Variants in USO1 observed in about 807,000 individuals in gnomAD.
USO1 encodes USO1 vesicle transport factor.
Under a neutral mutation model 124.5 loss-of-function variants are expected in USO1, and 57 were observed. The observed-to-expected ratio is 0.46, with a 90% confidence interval of 0.37 to 0.57. The LOEUF (loss-of-function observed/expected upper bound fraction) is 0.57. Ranked by LOEUF, USO1 falls within the 20% of genes least tolerant of loss-of-function variation. The pLI is 0.00. For missense variants in USO1, 900 were observed against 1,040.6 expected, an observed-to-expected ratio of 0.86 and a Z score of 1.86; for synonymous variants, 369 against 362.8, an observed-to-expected ratio of 1.02 and a Z score of -0.19.
intron 20 of USO1, among the ~76,000 whole-genome samples, chr4:75,808,642 C>G (rs1184859607): frequency 6.6e-6 from 1 of 151,912 alleles, no homozygotes; most frequent in Admixed American, 6.6e-5. Flanking sequence ...TTATATTGCT[C>G]TCTTCTCTTA....
At chr4:75,791,173 CTT>C (rs1232585520) in intron 12 of USO1, among the ~76,000 whole-genome samples, 1 of 152,210 alleles carries the variant, frequency 6.6e-6, no homozygotes, top group East Asian at 1.9e-4. Flanking sequence ...CACGCCAAAA[CTT>C]AGCATGTATA....
chr4:75,790,316 T>G, intron 11 of USO1, 78 bp downstream of exon 11: 1 of 1,479,150 alleles, frequency 6.8e-7, no homozygotes. Flanking sequence ...ATACACATCT[T>G]ACTCTTTTTA....
chr4:75,771,258 T>TA lies in USO1; in HGVS notation c.555+128dup, dbSNP rs201334938. ...GAAAGCTGGAGTAATGACCTTTTTT[T>TA]AAAAAAATTAAAAATTAGTAAACAG... On this transcript the variant is annotated intron_variant, in intron 7 of 23. Transcript: ENST00000514213. 9.2e-4 allele frequency: 1,045 copies of TA among 1,138,056 alleles called. 9 individuals carry two copies. The African/African-American group carries it at 0.015, about 17-fold the overall frequency. 70.5% of individuals were successfully genotyped at this position (1,138,056 alleles called of 1,614,324 possible).
intron 1 of USO1, among the ~76,000 whole-genome samples, chr4:75,732,176 T>C (rs896858870): frequency 6.6e-6 from 1 of 151,968 alleles, no homozygotes; most frequent in Non-Finnish European, 1.5e-5. Flanking sequence ...CCCCCCGTTG[T>C]TGTCCCCAGT....
At chr4:75,726,971 G>A (rs909965187) in intron 1 of USO1, among the ~76,000 whole-genome samples, 1 of 152,210 alleles carries the variant, frequency 6.6e-6, no homozygotes, top group Admixed American at 6.6e-5. Context: ...GAAAATGCCT[G>A]CTTTTTAGGA....
intron 3 of USO1, chr4:75,755,606 C>T: frequency 2.2e-6 from 1 of 448,602 alleles, no homozygotes; most frequent in Non-Finnish European, 4.4e-6. Context: ...TTCTTCTCCC[C>T]AGACAGTGTA....
chr4:75,764,611 T>C (rs1446118427), intron 4 of USO1, among the ~76,000 whole-genome samples: 1 of 152,202 alleles, frequency 6.6e-6, no homozygotes, highest in Non-Finnish European at 1.5e-5. Context: ...ATCAAGTCTA[T>C]ATGTGGTTTT....
At position 75,810,683 on chromosome 4, in the gene USO1, A is replaced by G. The variant is rs1723122366; in HGVS notation, c.2583+144A>G. ...TCACAACATTTTCACTCCTATATTGATGATTTAAGATGGCACAAATGAAAA... is the reference window on the plus strand; with the variant it reads ...TCACAACATTTTCACTCCTATATTGGTGATTTAAGATGGCACAAATGAAAA... On this transcript the variant is annotated intron_variant, in intron 22 of 23. Transcript: ENST00000514213. 3 of 1,054,114 alleles carry G rather than the reference A, an allele frequency of 2.8e-6. No individual in the cohort carries two copies. In the South Asian group the frequency reaches 6.3e-5, roughly 22 times the overall value. The allele number at this position is 1,054,114 out of a possible 1,614,324, so 65.3% of individuals were successfully genotyped here.
In USO1 at chr4:75,769,740, C is replaced by CTT. The variant is rs34266261; in HGVS notation, c.296-684_296-683dup. ...AGTTGTTGCTTTCATTTTTAGTGAT[C>CTT]TTTTTTTTTTTTTTTTACATAGTAC... On this transcript the variant is annotated intron_variant, in intron 4 of 23. Transcript: ENST00000514213. Among the ~76,000 whole-genome samples the CTT allele has an allele frequency of 7.2e-3, 1,006 of 139,968 alleles. 5 individuals are homozygous for CTT. The highest frequency in any genetic ancestry group is 9.8e-3 in the East Asian group (48 of 4,922). 91.8% of individuals were successfully genotyped at this position (139,968 alleles called of 152,430 possible). A position where few individuals can be genotyped will look rare whatever the true frequency, so the allele number is the denominator to read the frequency against.
intron 9 of USO1, among the ~76,000 whole-genome samples, chr4:75,786,516 T>G (rs1722365391): frequency 6.6e-6 from 1 of 152,202 alleles, no homozygotes; most frequent in Non-Finnish European, 1.5e-5. Context: ...ATGTTTACAG[T>G]CCAAGTAATC....
At position 75,800,407 on chromosome 4, in the gene USO1, A is replaced by G. The variant is rs186410513; in HGVS notation, c.1620A>G (p.Leu540=). ...LGEEEQLVQG[L]CALLLGISIY... ...AAGAAGAGCAGTTGGTCCAAGGCTT[A>G]TGTGCCCTTTTGTTGGGCATTTCGA... The change falls in exon 15 of 24, where the codon TTA becomes TTG. Residue 540 remains leucine (L), a synonymous_variant. Transcript: ENST00000514213. 21 of 1,599,676 alleles carry G rather than the reference A, an allele frequency of 1.3e-5. No homozygotes were observed. In the Admixed American group the frequency reaches 3.3e-4, roughly 25 times the overall value.
Position 75,782,767 on chromosome 4 carries a change from A to C in USO1, c.764A>C (p.Tyr255Ser), listed in dbSNP as rs377172671. ...SNQNFFKEGS[Y>S]IQRMKPWFEV... Reference sequence around the variant, plus strand: ...CAAAATTTTTTTAAAGAAGGCTCATATATTCAACGTATGAAACCTTGGTTT... The same window carrying C: ...CAAAATTTTTTTAAAGAAGGCTCATCTATTCAACGTATGAAACCTTGGTTT... The change falls in exon 9 of 24, where the codon TAT (tyrosine) becomes TCT (serine). Residue 255 changes from tyrosine (Y) to serine (S), a missense_variant. Tyr to Ser is a moderately radical substitution (Grantham distance 144). Transcript: ENST00000514213. The C allele has an allele frequency of 6.3e-7, 1 of 1,597,464 alleles. No homozygotes were observed. Among genetic ancestry groups the C allele is most frequent in the Non-Finnish European group, 8.5e-7 (1 of 1,173,804 alleles).
intron 4 of USO1, among the ~76,000 whole-genome samples, chr4:75,767,967 A>G (rs944096599): frequency 2.6e-5 from 4 of 152,148 alleles, no homozygotes; most frequent in African/African-American, 9.7e-5. Flanking sequence ...ACCTTCTAAT[A>G]CAAGAACACA....
At chr4:75,727,221 T>C (rs1195810649) in intron 1 of USO1, among the ~76,000 whole-genome samples, 4 of 152,182 alleles carry the variant, frequency 2.6e-5, no homozygotes, top group Non-Finnish European at 2.9e-5. Flanking sequence ...AGCACTAAAG[T>C]AGCTTGCACA....
intron 12 of USO1, among the ~76,000 whole-genome samples, chr4:75,792,325 G>T (rs1328505584): frequency 1.3e-5 from 2 of 151,982 alleles, no homozygotes; most frequent in African/African-American, 4.8e-5. Context: ...TCACCTGAAG[G>T]TAGGAGTTCA....
At chr4:75,729,395 A>G (rs1476585918) in intron 1 of USO1, among the ~76,000 whole-genome samples, 1 of 152,034 alleles carries the variant, frequency 6.6e-6, no homozygotes, top group Non-Finnish European at 1.5e-5. Context: ...GCTGGAGTGC[A>G]GTGACGTAAT....
intron 1 of USO1, among the ~76,000 whole-genome samples, chr4:75,728,775 G>T (rs1320038175): frequency 6.6e-6 from 1 of 152,066 alleles, no homozygotes; most frequent in Non-Finnish European, 1.5e-5. Flanking sequence ...TTCTGTTTTA[G>T]AGTCATGTAC....
chr4:75,749,833 A>C (rs541686450), intron 1 of USO1, among the ~76,000 whole-genome samples: 1 of 151,318 alleles, frequency 6.6e-6, no homozygotes, highest in African/African-American at 2.4e-5. Context: ...GCTCACTGCA[A>C]GCTCCGCCTC....
At position 75,809,002 on chromosome 4, in the gene USO1, C is replaced by T. The variant is rs776653350; in HGVS notation, c.2426C>T (p.Thr809Ile). 1.2e-6 allele frequency: 2 copies of T among 1,605,224 alleles called. No homozygotes were observed. Among genetic ancestry groups the T allele is most frequent in the Admixed American group, 1.7e-5 (1 of 58,794 alleles). The change falls in exon 21 of 24, where the codon ACC (threonine) becomes ATC (isoleucine). Residue 809 changes from threonine to isoleucine, a missense_variant. Physicochemically the swap from Thr to Ile is moderately conservative, Grantham distance 89. Around this residue, in one of 2 missense-constraint regions of USO1, gnomAD observed 362 missense variants for 359.0 expected, o/e 1.01. Coordinates refer to ENST00000514213, the MANE Select transcript of USO1 (RefSeq NM_003715.4). Reference sequence around the variant, plus strand: ...TTAAACTCACAATCTGTGGAGATCACCAAACTACAGACAGAAAAGCAGGAA... The same window carrying T: ...TTAAACTCACAATCTGTGGAGATCATCAAACTACAGACAGAAAAGCAGGAA... ...SQLNSQSVEI[T>I]KLQTEKQELL...
Sources: gnomAD v4.1 joint callset for allele counts (sites outside exome capture counted in the v4.1 genomes callset) on GRCh38, gnomAD v4.1.1 for gene constraint, gnomAD v4.1.1 regional missense constraint, MANE v1.5 for transcripts, NCBI Gene and HGNC (gene_info 2026-07-23, HGNC 2026-07-21) for gene names.